PRKN: variants seen among roughly 807,000 people sequenced by gnomAD.
PRKN encodes E3 ubiquitin-protein ligase parkin.
PRKN carries 56 observed loss-of-function variants against 59.5 expected under a neutral mutation model. The observed-to-expected ratio is 0.94, with a 90% CI of 0.76 to 1.18. The LOEUF is 1.18. PRKN is among the 50% of genes most tolerant of loss of function. The probability of loss-of-function intolerance (pLI) is 0.00; values close to 1 mark genes in which losing one functional copy is unlikely to be tolerated. For synonymous variants in PRKN, 250 were observed against 222.1 expected (o/e 1.13, Z -1.12); for missense variants, 657 against 596.4 (o/e 1.10, Z -1.06).
chr6:162,644,580 C>T (rs1778092482), intron 1 of PRKN, among the ~76,000 whole-genome samples: 1 of 152,118 alleles, frequency 6.6e-6, no homozygotes, highest in African/African-American at 2.4e-5. Context: ...GAAAGGCAGG[C>T]ACTCCCCACA....
intron 1 of PRKN, among the ~76,000 whole-genome samples, chr6:162,557,771 G>A (rs4441935): frequency 0.54 from 81,929 of 151,998 alleles, 22,449 homozygotes; most frequent in East Asian, 0.71. Context: ...CGGCCTCCCA[G>A]AGTGCTGGGA....
intron 7 of PRKN, among the ~76,000 whole-genome samples, chr6:161,777,800 G>A (rs974267936): frequency 7.2e-6 from 1 of 139,710 alleles, no homozygotes. Flanking sequence ...TATGATATAT[G>A]TATATATGTA....
Position 161,582,123 on chromosome 6 carries a change from T to G in PRKN, c.872-12707A>C, listed in dbSNP as rs1781361524. Among the ~76,000 whole-genome samples the G allele has an allele frequency of 6.6e-6, 1 of 152,192 alleles. No homozygotes were observed. On this transcript the variant is annotated intron_variant, in intron 7 of 11. Coordinates refer to ENST00000366898, the MANE Select transcript of PRKN (RefSeq NM_004562.3). The surrounding 1 kb of genome is among the most constrained non-coding windows in gnomAD (Gnocchi z 4.4). Reference sequence around the variant, plus strand: ...TTTCATCTACTGGTTTTTACCAAAGTGTAAAGTGCATTTTCTAAATGGCTC... The same window carrying G: ...TTTCATCTACTGGTTTTTACCAAAGGGTAAAGTGCATTTTCTAAATGGCTC...
intron 7 of PRKN, among the ~76,000 whole-genome samples, chr6:161,642,707 A>G (rs1783788000): frequency 6.6e-6 from 1 of 152,184 alleles, no homozygotes; most frequent in Non-Finnish European, 1.5e-5. Flanking sequence ...CAGTGGAGGA[A>G]TTGGGAGAAG....
intron 7 of PRKN, among the ~76,000 whole-genome samples, chr6:161,676,867 G>A (rs1321642597): frequency 1.3e-5 from 2 of 152,182 alleles, no homozygotes; most frequent in Admixed American, 6.5e-5. Flanking sequence ...GGCTCTGTCA[G>A]ACTACAGGGA....
chr6:162,033,839 T>C (rs899443774), intron 5 of PRKN, among the ~76,000 whole-genome samples: 2 of 152,198 alleles, frequency 1.3e-5, no homozygotes, highest in Admixed American at 1.3e-4. Flanking sequence ...TGTTTATTTA[T>C]TAATCTCCAG....
At chr6:162,109,943 T>C (rs1368820925) in intron 4 of PRKN, among the ~76,000 whole-genome samples, 1 of 152,350 alleles carries the variant, frequency 6.6e-6, no homozygotes, top group Non-Finnish European at 1.5e-5. Context: ...TAACATCATA[T>C]GCCAATTGCA....
chr6:161,875,820 G>A (rs545870422), intron 6 of PRKN, among the ~76,000 whole-genome samples: 17 of 152,154 alleles, frequency 1.1e-4, no homozygotes, highest in African/African-American at 3.9e-4. Flanking sequence ...TCTTGACCTC[G>A]AACTCATGTC....
At chr6:162,431,550 T>C (rs1275493803) in intron 2 of PRKN, among the ~76,000 whole-genome samples, 1 of 151,400 alleles carries the variant, frequency 6.6e-6, no homozygotes, top group South Asian at 2.1e-4. Flanking sequence ...AGAGCAAGAC[T>C]CTGTCTCAAA....
intron 7 of PRKN, among the ~76,000 whole-genome samples, chr6:161,608,441 G>T (rs527491489): frequency 6.6e-6 from 1 of 152,206 alleles, no homozygotes; most frequent in Admixed American, 6.5e-5. Flanking sequence ...GTTGTGTACA[G>T]CATTAAACCT....
At chr6:162,570,006 A>T (rs1780252067) in intron 1 of PRKN, among the ~76,000 whole-genome samples, 1 of 152,238 alleles carries the variant, frequency 6.6e-6, no homozygotes. Flanking sequence ...ACAATCAACA[A>T]AGTGAAGAGA....
chr6:161,570,735 T>C (rs1157389799), intron 7 of PRKN, among the ~76,000 whole-genome samples: 2 of 152,064 alleles, frequency 1.3e-5, no homozygotes, highest in African/African-American at 4.8e-5. Context: ...CAACAGTAGG[T>C]TATTAGTAGT....
chr6:161,604,270 G>T (rs929519103), intron 7 of PRKN, among the ~76,000 whole-genome samples: 1 of 152,106 alleles, frequency 6.6e-6, no homozygotes, highest in Non-Finnish European at 1.5e-5. Flanking sequence ...ATTAAAAAAA[G>T]CACCTTCAAA....
chr6:162,577,085 T>C (rs1350616773), intron 1 of PRKN, among the ~76,000 whole-genome samples: 1 of 151,944 alleles, frequency 6.6e-6, no homozygotes, highest in African/African-American at 2.4e-5. Context: ...AAAACACACA[T>C]ATGCAAATTA....
In PRKN at chr6:161,608,735, T is replaced by G. The variant is rs189586833; in HGVS notation, c.872-39319A>C. On this transcript the variant is annotated intron_variant, in intron 7 of 11. Transcript: ENST00000366898. The stretch of plus-strand genomic sequence containing the variant: ...TTTAATTTTTAGTAGAGATGGGGTT[T>G]CACCATGTGGGCCAGGCTGGTTTCG... Among the ~76,000 whole-genome samples the G allele has an allele frequency of 5.1e-4, 78 of 151,970 alleles. No homozygotes were observed. In the East Asian group the frequency reaches 0.011, roughly 22 times the overall value.
intron 2 of PRKN, among the ~76,000 whole-genome samples, chr6:162,341,472 G>A (rs1784176150): frequency 6.6e-6 from 1 of 152,116 alleles, no homozygotes; most frequent in African/African-American, 2.4e-5. Context: ...GTTTATTGTG[G>A]CACTGTTCAC....
chr6:162,564,870 G>GAAAAAAAAAAAAAAAAAAAAA (rs36063884), intron 1 of PRKN, among the ~76,000 whole-genome samples: 1 of 119,160 alleles, frequency 8.4e-6, no homozygotes. Context: ...ACTTCAATCA[G>GAAAAAAAAAAAAAAAAAAAAA]AAAAAAAAAA....
chr6:162,120,023 CTTG>C (rs1417664875), intron 4 of PRKN, among the ~76,000 whole-genome samples: 1 of 152,058 alleles, frequency 6.6e-6, no homozygotes, highest in Non-Finnish European at 1.5e-5. Flanking sequence ...TGTTGTTGTT[CTTG>C]TTGTTATTTC....
chr6:161,666,279 C>T (rs1784722957), intron 7 of PRKN, among the ~76,000 whole-genome samples: 1 of 152,206 alleles, frequency 6.6e-6, no homozygotes, highest in African/African-American at 2.4e-5. Context: ...ACCCGAGCTC[C>T]ACCTCTTGTC....
Sources: gnomAD v4.1 joint callset for allele counts (sites outside exome capture counted in the v4.1 genomes callset) on GRCh38, gnomAD v4.1.1 for gene constraint, Gnocchi (gnomAD v3.1) non-coding constraint, MANE v1.5 for transcripts, NCBI Gene and HGNC (gene_info 2026-07-23, HGNC 2026-07-21) for gene names.